The following BAHCC1 variants were observed in gnomAD, a reference collection of about 807,000 sequenced individuals.
BAHCC1 encodes BAH and coiled-coil domain-containing protein 1.
In BAHCC1, 43 loss-of-function variants were observed where a neutral mutation model predicts 88.2. That is an observed-to-expected ratio of 0.49 (90% CI 0.38 to 0.63). The LOEUF (loss-of-function observed/expected upper bound fraction) is 0.63, where lower values mean the gene tolerates loss of function less well. Ranked by LOEUF, BAHCC1 falls within the 20% of genes least tolerant of loss-of-function variation. The pLI is 0.00. For synonymous variants in BAHCC1, 1,510 were observed against 745.5 expected (o/e 2.03, Z -16.71); for missense variants, 3,023 against 1,654.8 (o/e 1.83, Z -14.34).
chr17:81,442,769 G>A lies in BAHCC1; in HGVS notation c.1420G>A (p.Ala474Thr), dbSNP rs782284946. ...AAAGGGCCTCGACTATCTCAGCAGC[G>A]CAGGCCCCGAGGCCTCCTTCCCCGG... is the stretch of plus-strand genomic sequence containing the variant. ...RLKGLDYLSS[A>T]GPEASFPGLP... The change falls in exon 5 of 28, where the codon GCA (alanine) becomes ACA (threonine). Residue 474 changes from alanine (A) to threonine (T), a missense_variant. Ala to Thr is a moderately conservative substitution (Grantham distance 58, BLOSUM62 0). Coordinates refer to ENST00000675386, the MANE Select transcript of BAHCC1 (RefSeq NM_001377448.1). 3.0e-5 allele frequency: 23 copies of A among 779,266 alleles called. No individual in the cohort carries two copies. The highest frequency in any genetic ancestry group is 1.5e-4 in the South Asian group (11 of 74,620). The allele number at this position is 779,266 out of a possible 1,614,324, so 48.3% of individuals were successfully genotyped here.
At chr17:81,406,023 T>C (rs1555646817) in intron 2 of BAHCC1, among the ~76,000 whole-genome samples, 1 of 152,164 alleles carries the variant, frequency 6.6e-6, no homozygotes, top group Non-Finnish European at 1.5e-5. Flanking sequence ...AGGGAGTCCC[T>C]CGAGAAAATA....
chr17:81,462,706 C>A, intron 26 of BAHCC1, 34 bp from the exon 27 acceptor site: 1 of 724,294 alleles, frequency 1.4e-6, no homozygotes, highest in East Asian at 2.5e-5. Context: ...AGCCCCCCGG[C>A]CTCTCAGAGC....
At chr17:81,460,189 C>A (rs2030124291) in intron 23 of BAHCC1, 88 bp from the exon 24 acceptor site, 2 of 682,130 alleles carry the variant, frequency 2.9e-6, no homozygotes, top group Non-Finnish European at 5.4e-6. Context: ...CCTCCCCTCA[C>A]CCTCCCCACC....
chr17:81,452,412 A>G (rs1598501315), intron 13 of BAHCC1, among the ~76,000 whole-genome samples: 1 of 99,680 alleles, frequency 1.0e-5, no homozygotes, highest in African/African-American at 4.0e-5. Context: ...CAGAAGGGGG[A>G]GTAGGGAGGA....
intron 27 of BAHCC1, 63 bp from the exon 28 acceptor site, chr17:81,463,548 C>T (rs1447291926): frequency 5.2e-6 from 4 of 768,300 alleles, no homozygotes; most frequent in Admixed American, 3.4e-5. Context: ...GTGGTCTTTC[C>T]TGGCTGGGCA....
intron 2 of BAHCC1, among the ~76,000 whole-genome samples, chr17:81,417,560 C>CCTG (rs1555648941): frequency 1.5e-5 from 2 of 136,584 alleles, no homozygotes; most frequent in African/African-American, 2.8e-5. Flanking sequence ...CGGCCACCCC[C>CCTG]CCCCCGCCCT....
At chr17:81,451,924 G>T in intron 12 of BAHCC1, 47 bp from the exon 13 acceptor site, 1 of 648,274 alleles carries the variant, frequency 1.5e-6, no homozygotes, top group Non-Finnish European at 2.8e-6. Context: ...CAGAGCCCCA[G>T]CCTGGGCCCT....
chr17:81,409,190 G>A (rs1454960223), intron 2 of BAHCC1, among the ~76,000 whole-genome samples: 2 of 152,242 alleles, frequency 1.3e-5, no homozygotes, highest in Admixed American at 1.3e-4. Flanking sequence ...GGGGGACATG[G>A]CAGCATCCCC....
intron 4 of BAHCC1, among the ~76,000 whole-genome samples, chr17:81,440,354 G>T (rs2143498539): frequency 6.6e-6 from 1 of 152,378 alleles, no homozygotes; most frequent in Non-Finnish European, 1.5e-5. Flanking sequence ...TGGTGGAGCT[G>T]TGTCCAAGAA....
chr17:81,443,006 G>A lies in BAHCC1; in HGVS notation c.1657G>A (p.Ala553Thr), dbSNP rs782092135. ...RIRHQQHLMA[A>T]EVEQGGIGAE... ...CAGGCACCAGCAGCACTTGATGGCC[G>A]CCGAGGTGGAGCAGGGGGGCATTGG... Residue 553 changes from alanine (A) to threonine (T), a missense_variant, in exon 5 of 28, where the codon GCC (alanine) becomes ACC (threonine). Ala to Thr is a moderately conservative substitution (Grantham distance 58, BLOSUM62 0). Coordinates refer to ENST00000675386, the MANE Select transcript of BAHCC1 (RefSeq NM_001377448.1). 18 of 778,512 alleles carry A rather than the reference G, an allele frequency of 2.3e-5. No homozygotes were observed. The highest frequency in any genetic ancestry group is 4.5e-4 in the Middle Eastern group (2 of 4,458). 48.2% of individuals were successfully genotyped at this position (778,512 alleles called of 1,614,324 possible). A position where few individuals can be genotyped will look rare whatever the true frequency, so the allele number is the denominator to read the frequency against.
chr17:81,461,066 C>G lies in BAHCC1; in HGVS notation c.6403C>G (p.Arg2135Gly), dbSNP rs368462655. The G allele has an allele frequency of 3.9e-6, 3 of 770,398 alleles. No individual in the cohort carries two copies. The highest frequency in any genetic ancestry group is 7.2e-6 in the Non-Finnish European group (3 of 416,882). The allele number at this position is 770,398 out of a possible 1,614,324, so 47.7% of individuals were successfully genotyped here. A position where few individuals can be genotyped will look rare whatever the true frequency, so the allele number is the denominator to read the frequency against. Residue 2135 changes from arginine (R) to glycine (G), a missense_variant, in exon 26 of 28, where the codon CGC becomes GGC. Arg to Gly is a moderately radical substitution (Grantham distance 125, BLOSUM62 -2). Coordinates refer to ENST00000675386, the MANE Select transcript of BAHCC1 (RefSeq NM_001377448.1). The stretch of plus-strand genomic sequence containing the variant: ...CGGCAGCAGCAAGAAGCTGCGGGCC[C>G]GCGAGGCCCTGTTCCCCGTGCACAG... Reference protein sequence around the residue: ...LNGSSKKLRAREALFPVHSVA... With the variant: ...LNGSSKKLRAGEALFPVHSVA...
At chr17:81,457,333 C>T (rs372291054) in intron 16 of BAHCC1, 77 bp from the exon 17 acceptor site, 1 of 695,072 alleles carries the variant, frequency 1.4e-6, no homozygotes, top group Non-Finnish European at 2.7e-6. Context: ...AACCGCATGC[C>T]CAGAGGGTCA....
chr17:81,408,911 C>A (rs1434669181), intron 2 of BAHCC1, among the ~76,000 whole-genome samples: 4 of 152,228 alleles, frequency 2.6e-5, no homozygotes, highest in Admixed American at 2.0e-4. Context: ...GCCACACTGG[C>A]CTCCGTCTCC....
chr17:81,462,146 A>T (rs1395606118), intron 26 of BAHCC1, 100 bp downstream of exon 26: 1 of 609,844 alleles, frequency 1.6e-6, no homozygotes, highest in Admixed American at 2.9e-5. Flanking sequence ...TCATCTTCCT[A>T]CTTGATTTCA....
In BAHCC1 at chr17:81,399,197, A is replaced by G. The variant is rs1555645455; in HGVS notation, c.-206-337A>G. 3 of 422,254 alleles carry G rather than the reference A, an allele frequency of 7.1e-6. No individual in the cohort carries two copies. In the Admixed American group the frequency reaches 7.6e-5, roughly 11 times the overall value. 26.2% of individuals were successfully genotyped at this position (422,254 alleles called of 1,614,324 possible). A position where few individuals can be genotyped will look rare whatever the true frequency, so the allele number is the denominator to read the frequency against. ...TCGCAGATTTGGGTTTTTATCACCCAGCAGAGCCAGCAGCCTCTTCGCCGC... is the reference window on the plus strand; with the variant it reads ...TCGCAGATTTGGGTTTTTATCACCCGGCAGAGCCAGCAGCCTCTTCGCCGC... On this transcript the variant is annotated intron_variant, in intron 1 of 27. Transcript: ENST00000675386. This position sits in a 1 kb window ranked among gnomAD's most constrained non-coding sequence, Gnocchi z 4.5.
chr17:81,452,045 G>A lies in BAHCC1; in HGVS notation c.4254G>A (p.Leu1418=), dbSNP rs2064647013. 3.2e-6 allele frequency: 2 copies of A among 627,790 alleles called. No individual in the cohort carries two copies. Among genetic ancestry groups the A allele is most frequent in the Non-Finnish European group, 5.6e-6 (2 of 356,534 alleles). The allele number at this position is 627,790 out of a possible 1,614,324, so 38.9% of individuals were successfully genotyped here. A position where few individuals can be genotyped will look rare whatever the true frequency, so the allele number is the denominator to read the frequency against. The change falls in exon 13 of 28, where the codon CTG becomes CTA. Residue 1418 remains leucine (L), a synonymous_variant. Transcript: ENST00000675386. ...EVGMRVRLAE[L]QRRYKEKQRE... ...GGATGCGCGTGCGGCTGGCGGAGCT[G>A]CAGCGGCGCTACAAGGAGAAGCAGC...
At chr17:81,443,749 T>C (rs2064468801) in intron 5 of BAHCC1, 60 bp from the exon 6 acceptor site, 1 of 699,214 alleles carries the variant, frequency 1.4e-6, no homozygotes, top group African/African-American at 1.7e-5. Flanking sequence ...CTGCTTGCCT[T>C]AGCTGGTGGC....
intron 2 of BAHCC1, chr17:81,422,068 G>A (rs1288744643): frequency 1.8e-5 from 5 of 274,504 alleles, no homozygotes; most frequent in Non-Finnish European, 3.8e-5. Flanking sequence ...CGGGAGGGCA[G>A]TGGAACAATC....
intron 14 of BAHCC1, among the ~76,000 whole-genome samples, chr17:81,453,318 A>G (rs945319935): frequency 6.6e-6 from 1 of 152,206 alleles, no homozygotes; most frequent in Non-Finnish European, 1.5e-5. Context: ...GCCTGGTATA[A>G]TTGTCCTTCT....
Sources: allele counts gnomAD v4.1 joint callset (sites outside exome capture counted in the v4.1 genomes callset), GRCh38; gene constraint gnomAD v4.1.1; non-coding constraint Gnocchi (gnomAD v3.1); transcripts MANE v1.5; gene names NCBI Gene and HGNC (gene_info 2026-07-23, HGNC 2026-07-21).